LYRM4: variants seen among roughly 807,000 people sequenced by gnomAD.
LYRM4 encodes LYR motif containing 4, also known as LYR motif-containing protein 4.
A neutral mutation model predicts 11.7 loss-of-function variants in LYRM4; 9 were observed. The observed-to-expected ratio is 0.77, with a 90% confidence interval of 0.46 to 1.34. The LOEUF (loss-of-function observed/expected upper bound fraction) is 1.34. LYRM4 is among the 40% of genes most tolerant of loss of function. The pLI is 0.00. For missense variants in LYRM4, 133 were observed against 112.5 expected (o/e 1.18, Z -0.82); for synonymous variants, 42 against 40.4 (o/e 1.04, Z -0.15).
intron 2 of LYRM4, among the ~76,000 whole-genome samples, chr6:5,135,784 CATTTT>C (rs1757062033): frequency 6.6e-6 from 1 of 152,274 alleles, no homozygotes; most frequent in Non-Finnish European, 1.5e-5. Flanking sequence ...TCATTTTATT[CATTTT>C]AAGTGTACAG....
At chr6:5,090,043 A>ACACAC in the LYRM4 span, among the ~76,000 whole-genome samples, 24 of 144,002 alleles carry the variant, frequency 1.7e-4, no homozygotes, top group South Asian at 2.0e-3. The surrounding 1 kb of genome is among the most constrained non-coding windows in gnomAD (Gnocchi z 4.8). Context: ...CACACACACC[A>ACACAC]CACACACACC....
intron 2 of LYRM4, among the ~76,000 whole-genome samples, chr6:5,206,812 G>A (rs912748233): frequency 8.5e-5 from 13 of 152,050 alleles, no homozygotes; most frequent in Admixed American, 5.2e-4. Flanking sequence ...CAAACTAAGG[G>A]CATTCTGGTA....
At chr6:5,050,799 A>C in the LYRM4 span, among the ~76,000 whole-genome samples, 2 of 152,248 alleles carry the variant, frequency 1.3e-5, no homozygotes, top group Admixed American at 6.5e-5. Context: ...ATCACAAAGC[A>C]TACAAACAGA....
At chr6:5,093,107 C>T in the LYRM4 span, among the ~76,000 whole-genome samples, 27 of 152,178 alleles carry the variant, frequency 1.8e-4, no homozygotes, top group East Asian at 9.6e-4. Flanking sequence ...GTCCCCCACC[C>T]GCAACCCCTC....
intron 1 of LYRM4, among the ~76,000 whole-genome samples, chr6:5,224,402 G>A (rs571438778): frequency 1.3e-5 from 2 of 152,140 alleles, no homozygotes; most frequent in East Asian, 3.9e-4. Context: ...AAAAGACAAA[G>A]GGACAGGTAC....
At position 5,138,487 on chromosome 6, in the gene LYRM4, C is replaced by CAAAAAAAAAAA. The variant is rs765741377; in HGVS notation, c.208-29007_208-28997dup. Among the ~76,000 whole-genome samples, 130 of 49,690 alleles carry CAAAAAAAAAAA rather than the reference C, an allele frequency of 2.6e-3. 2 individuals are homozygous for CAAAAAAAAAAA. Among genetic ancestry groups the CAAAAAAAAAAA allele is most frequent in the South Asian group, 0.02 (14 of 714 alleles). The allele number at this position is 49,690 out of a possible 152,430, so 32.6% of individuals were successfully genotyped here. A position where few individuals can be genotyped will look rare whatever the true frequency, so the allele number is the denominator to read the frequency against. ...GGCCAACAGAGTGAGACCCTGTCTC[C>CAAAAAAAAAAA]AAAAAAAAAAAAAAAAAAAAAAAAA... is the stretch of plus-strand genomic sequence containing the variant. On this transcript the variant is annotated intron_variant, in intron 2 of 2. Coordinates refer to ENST00000330636, the MANE Select transcript of LYRM4 (RefSeq NM_020408.6).
chr6:5,154,811 T>C (rs1474286682), intron 2 of LYRM4, among the ~76,000 whole-genome samples: 1 of 151,578 alleles, frequency 6.6e-6, no homozygotes, highest in Admixed American at 6.6e-5. Context: ...AGAGCGAGAC[T>C]CCGTCTCAAA....
chr6:5,160,072 C>T (rs1239789964), intron 2 of LYRM4, among the ~76,000 whole-genome samples: 5 of 151,322 alleles, frequency 3.3e-5, no homozygotes, highest in Admixed American at 3.3e-4. Flanking sequence ...TGAGGTCTTA[C>T]TTCTCTGGAT....
At chr6:5,075,923 T>C in the LYRM4 span, among the ~76,000 whole-genome samples, 1 of 151,156 alleles carries the variant, frequency 6.6e-6, no homozygotes, top group Non-Finnish European at 1.5e-5. Flanking sequence ...AGGCACCCCC[T>C]GCTAACTGGG....
chr6:5,213,010 A>AG (rs1762064948), intron 2 of LYRM4, among the ~76,000 whole-genome samples: 1 of 152,232 alleles, frequency 6.6e-6, no homozygotes, highest in Non-Finnish European at 1.5e-5. Context: ...TGAAGACTGA[A>AG]GATCTTGCAC....
At chr6:5,249,444 T>C (rs1401916658) in intron 1 of LYRM4, among the ~76,000 whole-genome samples, 1 of 152,206 alleles carries the variant, frequency 6.6e-6, no homozygotes, top group Non-Finnish European at 1.5e-5. Context: ...GGGAAATTTC[T>C]AGAAGGAAGT....
the LYRM4 span, among the ~76,000 whole-genome samples, chr6:5,091,584 CTG>C: frequency 1.3e-5 from 2 of 152,186 alleles, no homozygotes. Context: ...CTTTGGTTAA[CTG>C]TGAACAGGAA....
the LYRM4 span, among the ~76,000 whole-genome samples, chr6:5,047,736 T>C: frequency 6.6e-6 from 1 of 152,212 alleles, no homozygotes. Context: ...TGACAAAAAA[T>C]ATAACCTAAA....
intron 2 of LYRM4, among the ~76,000 whole-genome samples, chr6:5,192,792 G>A (rs1377169187): frequency 6.6e-6 from 1 of 152,228 alleles, no homozygotes; most frequent in African/African-American, 2.4e-5. Context: ...TTGGGAGGCC[G>A]AGGCGGGCGG....
chr6:5,253,550 G>C (rs150811511), intron 1 of LYRM4, among the ~76,000 whole-genome samples: 1 of 152,014 alleles, frequency 6.6e-6, no homozygotes, highest in Non-Finnish European at 1.5e-5. Flanking sequence ...AAGCTGCAGC[G>C]ACAACTTGCG....
chr6:5,178,446 CTTT>C (rs57538719), intron 2 of LYRM4, among the ~76,000 whole-genome samples: 8 of 143,042 alleles, frequency 5.6e-5, no homozygotes, highest in Non-Finnish European at 6.1e-5. Flanking sequence ...ATTCATAACT[CTTT>C]TTTTTTTTTT....
the LYRM4 span, among the ~76,000 whole-genome samples, chr6:5,082,570 C>T: frequency 6.6e-6 from 1 of 152,156 alleles, no homozygotes; most frequent in Non-Finnish European, 1.5e-5. Flanking sequence ...ATTTGTCCAC[C>T]CCACAACCAT....
Position 5,109,477 on chromosome 6 carries a change from T to C in LYRM4, c.222A>G (p.Gln74=), listed in dbSNP as rs1190670894. ...GVIRRQVHIG[Q]LYSTDKLIIE... ...TGATCAGCTTGTCAGTTGAATACAG[T>C]TGGCCAATGTGGACCTGAAGGCAAA... The change falls in exon 3 of 3, where the codon CAA becomes CAG. Residue 74 remains glutamine (Q), a synonymous_variant. Coordinates refer to ENST00000330636, the MANE Select transcript of LYRM4 (RefSeq NM_020408.6). 6.2e-7 allele frequency: 1 copy of C among 1,614,054 alleles called. No individual in the cohort carries two copies. The highest frequency in any genetic ancestry group is 2.2e-5 in the East Asian group (1 of 44,876).
At chr6:5,166,541 G>GT (rs1198380762) in intron 2 of LYRM4, among the ~76,000 whole-genome samples, 1 of 152,170 alleles carries the variant, frequency 6.6e-6, no homozygotes, top group East Asian at 1.9e-4. Context: ...TGTCCTATTT[G>GT]TTCTAGGATA....
Sources: gnomAD v4.1 joint callset for allele counts (sites outside exome capture counted in the v4.1 genomes callset) on GRCh38, gnomAD v4.1.1 for gene constraint, Gnocchi (gnomAD v3.1) non-coding constraint, MANE v1.5 for transcripts, NCBI Gene and HGNC (gene_info 2026-07-23, HGNC 2026-07-21) for gene names.